Variants in RANBP3 observed in about 807,000 individuals in gnomAD.
RANBP3 encodes ran-binding protein 3.
A neutral mutation model predicts 77.3 loss-of-function variants in RANBP3; 14 were observed. The ratio of observed to expected loss-of-function variants is 0.18; its 90% confidence interval spans 0.12 to 0.28. The LOEUF (loss-of-function observed/expected upper bound fraction) is 0.28, where lower values mean the gene tolerates loss of function less well. Among genes scored for constraint, RANBP3 ranks in the 10% least tolerant of loss-of-function variants. The pLI is 1.00. For synonymous variants in RANBP3, 315 were observed against 312.4 expected (o/e 1.01, Z -0.09); for missense variants, 586 against 752.3 (o/e 0.78, Z 2.59).
chr19:5,941,754 GTCT>G, intron 4 of RANBP3, 42 bp downstream of exon 4: 3 of 1,612,608 alleles, frequency 1.9e-6, no homozygotes, highest in Non-Finnish European at 1.7e-6. Flanking sequence ...GGTTGCTTCT[GTCT>G]TTAAAACTGA....
chr19:5,932,752 C>A (rs1427389442), intron 6 of RANBP3: 4 of 572,140 alleles, frequency 7.0e-6, no homozygotes, highest in Non-Finnish European at 1.2e-5. Context: ...ATGAAACTCC[C>A]AGTGACCGAC....
intron 5 of RANBP3, chr19:5,935,718 C>G (rs2145106710): frequency 2.2e-6 from 1 of 456,752 alleles, no homozygotes; most frequent in South Asian, 1.5e-5. Flanking sequence ...GCGTGGCCCT[C>G]TCCAGAGCTG....
At chr19:5,937,108 C>T (rs1033023625) in intron 5 of RANBP3, among the ~76,000 whole-genome samples, 4 of 132,474 alleles carry the variant, frequency 3.0e-5, no homozygotes, top group African/African-American at 8.5e-5. Context: ...ATGGGGCAGT[C>T]GTCAGCGGGA....
intron 6 of RANBP3, chr19:5,932,869 T>A: frequency 2.7e-6 from 1 of 376,476 alleles, no homozygotes; most frequent in Middle Eastern, 7.6e-4. Context: ...GGCAGCTACC[T>A]GGAGGCTCAG....
chr19:5,934,011 G>T (rs942163322), intron 5 of RANBP3: 1 of 152,354 alleles, frequency 6.6e-6, no homozygotes, highest in African/African-American at 2.4e-5. Context: ...AGATGTGCCT[G>T]CGGAGCTTCC....
At position 5,951,396 on chromosome 19, in the gene RANBP3, T is replaced by C; in HGVS notation, c.279A>G (p.Ala93=). 2 of 1,554,418 alleles carry C rather than the reference T, an allele frequency of 1.3e-6. No homozygotes were observed. The highest frequency in any genetic ancestry group is 1.2e-5 in the South Asian group (1 of 84,662). Residue 93 remains alanine (A), a synonymous_variant, in exon 3 of 17, where the codon GCA becomes GCG. Coordinates refer to ENST00000340578, the MANE Select transcript of RANBP3 (RefSeq NM_007322.3). ...TGCCGGGTAGGTGTGGACTTACCCC[T>C]GCCAGTTCTCGCGGAAAAGGAGGAA... is the stretch of plus-strand genomic sequence containing the variant. ...AQLPPFPREL[A]GRSAGGSSPE...
intron 10 of RANBP3, 138 bp from the exon 11 acceptor site, chr19:5,925,043 CAGAGGCAG>C: frequency 1.3e-6 from 1 of 787,366 alleles, no homozygotes; most frequent in Non-Finnish European, 2.2e-6. Context: ...GGTGGCGTGT[CAGAGGCAG>C]GAAGCCACAC....
intron 1 of RANBP3, among the ~76,000 whole-genome samples, chr19:5,975,417 A>G (rs1423147870): frequency 6.6e-6 from 1 of 152,132 alleles, no homozygotes; most frequent in Non-Finnish European, 1.5e-5. Context: ...TGCTAGAAAC[A>G]GTATCCCCTG....
chr19:5,968,510 C>T (rs1243758469), intron 1 of RANBP3, among the ~76,000 whole-genome samples: 1 of 152,212 alleles, frequency 6.6e-6, no homozygotes, highest in Non-Finnish European at 1.5e-5. Flanking sequence ...CATTATTATG[C>T]TCGGAAGATT....
chr19:5,974,910 G>A (rs1483032180), intron 1 of RANBP3, among the ~76,000 whole-genome samples: 7 of 152,232 alleles, frequency 4.6e-5, no homozygotes, highest in African/African-American at 1.7e-4. Flanking sequence ...TGACACAGAG[G>A]TGGGACTGGC....
intron 5 of RANBP3, among the ~76,000 whole-genome samples, chr19:5,937,876 A>ACGGCTGCTG (rs1445061096): frequency 6.6e-6 from 1 of 152,184 alleles, no homozygotes; most frequent in Admixed American, 6.5e-5. Flanking sequence ...TCAGCAGCAC[A>ACGGCTGCTG]AATGGGTCCA....
At chr19:5,937,056 CAAAAAAA>C (rs71172783) in intron 5 of RANBP3, among the ~76,000 whole-genome samples, 7,375 of 37,004 alleles carry the variant, frequency 0.2, 411 homozygotes, top group African/African-American at 0.26. Context: ...ACTCTGTCTC[CAAAAAAA>C]AAAAAAAAAA....
chr19:5,918,080 C>T, intron 15 of RANBP3, 100 bp from the exon 16 acceptor site: 1 of 1,329,484 alleles, frequency 7.5e-7, no homozygotes, highest in Non-Finnish European at 1.0e-6. Flanking sequence ...AGAGGTGACA[C>T]TGCCACAAGG....
At chr19:5,966,986 C>G (rs1462966215) in intron 1 of RANBP3, among the ~76,000 whole-genome samples, 1 of 152,214 alleles carries the variant, frequency 6.6e-6, no homozygotes, top group African/African-American at 2.4e-5. Context: ...CGATCACAAC[C>G]CTTCAAGTCA....
At chr19:5,941,934 G>A in intron 3 of RANBP3, 99 bp from the exon 4 acceptor site, 1 of 1,381,668 alleles carries the variant, frequency 7.2e-7, no homozygotes, top group Non-Finnish European at 1.0e-6. Context: ...TGCACCACGG[G>A]CAGCTAGTTC....
intron 1 of RANBP3, among the ~76,000 whole-genome samples, chr19:5,962,192 C>A (rs1345138466): frequency 1.3e-5 from 2 of 152,134 alleles, no homozygotes; most frequent in Non-Finnish European, 2.9e-5. Flanking sequence ...TACACAACAC[C>A]AGCTGCTACG....
At position 5,917,536 on chromosome 19, in the gene RANBP3, G is replaced by A. The variant is rs1418479021; in HGVS notation, c.*74C>T. 3 of 1,468,702 alleles carry A rather than the reference G, an allele frequency of 2.0e-6. No homozygotes were observed. Among genetic ancestry groups the A allele is most frequent in the Non-Finnish European group, 2.7e-6 (3 of 1,103,146 alleles). The allele number at this position is 1,468,702 out of a possible 1,614,324, so 91.0% of individuals were successfully genotyped here. A position where few individuals can be genotyped will look rare whatever the true frequency, so the allele number is the denominator to read the frequency against. ...CCGGCCCCGCACCTGGACGCTGCCG[G>A]TGGGGTGGGGGCGGGTGGGCGGGTG... On this transcript the variant is annotated 3_prime_UTR_variant, in exon 17 of 17. Coordinates refer to ENST00000340578, the MANE Select transcript of RANBP3 (RefSeq NM_007322.3).
rs192151074 is a variant in RANBP3 at position 5,924,173 on chromosome 19, T to G, written c.997-259A>C. Among the ~76,000 whole-genome samples, 86 of 152,196 alleles carry G rather than the reference T, an allele frequency of 5.7e-4. No homozygotes were observed. The highest frequency in any genetic ancestry group is 1.9e-3 in the African/African-American group (79 of 41,536). On this transcript the variant is annotated intron_variant, in intron 11 of 16. Coordinates refer to ENST00000340578, the MANE Select transcript of RANBP3 (RefSeq NM_007322.3). This position sits in a 1 kb window ranked among gnomAD's most constrained non-coding sequence, Gnocchi z 4.7. The stretch of plus-strand genomic sequence containing the variant: ...TGAGGCAAGACTTTGAACATTTCAT[T>G]GAAATAGAAAAAGCACAGCGTGGCC...
intron 1 of RANBP3, among the ~76,000 whole-genome samples, chr19:5,973,500 C>T (rs916170088): frequency 2.6e-5 from 4 of 152,186 alleles, no homozygotes; most frequent in African/African-American, 9.7e-5. Context: ...CAGTGCACAG[C>T]GCAATCGCCC....
Sources: allele counts gnomAD v4.1 joint callset (sites outside exome capture counted in the v4.1 genomes callset), GRCh38; gene constraint gnomAD v4.1.1; non-coding constraint Gnocchi (gnomAD v3.1); transcripts MANE v1.5; gene names NCBI Gene and HGNC (gene_info 2026-07-23, HGNC 2026-07-21).